The following RAB3GAP2 variants were observed in gnomAD, a reference collection of about 807,000 sequenced individuals.
RAB3GAP2 encodes rab3 GTPase-activating protein non-catalytic subunit.
A neutral mutation model predicts 185.3 loss-of-function variants in RAB3GAP2; 87 were observed. The observed-to-expected ratio is 0.47, with a 90% confidence interval of 0.39 to 0.56. The LOEUF is 0.56. Ranked by LOEUF, RAB3GAP2 falls within the 20% of genes least tolerant of loss-of-function variation. The pLI, the probability that RAB3GAP2 is intolerant of heterozygous loss-of-function variation, is 0.00. For missense variants in RAB3GAP2, 1,492 were observed against 1,638.2 expected (o/e 0.91, Z 1.54); for synonymous variants, 554 against 576.1 (o/e 0.96, Z 0.55).
chr1:220,179,694 A>G (rs1279186191), intron 21 of RAB3GAP2, among the ~76,000 whole-genome samples: 1 of 152,258 alleles, frequency 6.6e-6, no homozygotes, highest in Non-Finnish European at 1.5e-5. Flanking sequence ...GAATAAAAGT[A>G]GAGATCAGTA....
chr1:220,249,871 T>A (rs1659898667), intron 1 of RAB3GAP2, among the ~76,000 whole-genome samples: 1 of 152,112 alleles, frequency 6.6e-6, no homozygotes, highest in Non-Finnish European at 1.5e-5. Flanking sequence ...TGCATAGAAA[T>A]CAAGAACTGA....
intron 1 of RAB3GAP2, among the ~76,000 whole-genome samples, chr1:220,253,199 TG>T (rs1659970877): frequency 6.6e-6 from 1 of 152,192 alleles, no homozygotes; most frequent in Non-Finnish European, 1.5e-5. Context: ...TCCTCCTCAC[TG>T]GGTGGGACCT....
chr1:220,182,900 T>C lies in RAB3GAP2; in HGVS notation c.2030A>G (p.Lys677Arg), dbSNP rs200632298. 2.9e-5 allele frequency: 47 copies of C among 1,613,282 alleles called. No homozygotes were observed. The highest frequency in any genetic ancestry group is 8.3e-5 in the Admixed American group (5 of 59,996). Residue 677 changes from lysine to arginine, a missense_variant, in exon 20 of 35, where the codon AAA (lysine) becomes AGA (arginine). Transcript: ENST00000358951. ...DLALLLRLDEKELLKLQALLE... is the reference protein window; with the variant it reads ...DLALLLRLDERELLKLQALLE... ...TAATGCCTGGAGCTTAAGCAGTTCT[T>C]TTTCATCAAGCCTTAGTAACAGAGC...
chr1:220,233,359 C>T (rs770968547), intron 1 of RAB3GAP2, among the ~76,000 whole-genome samples: 1 of 152,192 alleles, frequency 6.6e-6, no homozygotes, highest in Non-Finnish European at 1.5e-5. Flanking sequence ...TACTATTCTG[C>T]ACCCTTTTCT....
intron 2 of RAB3GAP2, among the ~76,000 whole-genome samples, chr1:220,215,401 T>C (rs2102883090): frequency 6.6e-6 from 1 of 152,312 alleles, no homozygotes; most frequent in South Asian, 2.1e-4. Context: ...TCTGTCAATT[T>C]AATAGGTAAA....
chr1:220,240,759 T>C (rs1335854931), intron 1 of RAB3GAP2, among the ~76,000 whole-genome samples: 1 of 152,252 alleles, frequency 6.6e-6, no homozygotes, highest in Admixed American at 6.5e-5. Flanking sequence ...TTTTCAATCT[T>C]TAACTTTTTT....
intron 1 of RAB3GAP2, among the ~76,000 whole-genome samples, chr1:220,241,792 A>G (rs1248799502): frequency 1.3e-5 from 2 of 152,070 alleles, no homozygotes; most frequent in Admixed American, 1.3e-4. Flanking sequence ...CCAAAGGGTT[A>G]TATTACAAAC....
intron 1 of RAB3GAP2, among the ~76,000 whole-genome samples, chr1:220,243,982 G>A (rs1659751446): frequency 6.6e-6 from 1 of 152,122 alleles, no homozygotes; most frequent in Non-Finnish European, 1.5e-5. Flanking sequence ...GGGAAAAGTT[G>A]AAAGGATTTC....
intron 12 of RAB3GAP2, among the ~76,000 whole-genome samples, chr1:220,194,044 A>G (rs1008805719): frequency 2.4e-4 from 36 of 152,088 alleles, no homozygotes; most frequent in African/African-American, 8.2e-4. Context: ...GTTACAATGT[A>G]TTTTTTAAAA....
At chr1:220,269,043 T>C (rs1056843035) in intron 1 of RAB3GAP2, among the ~76,000 whole-genome samples, 2 of 152,148 alleles carry the variant, frequency 1.3e-5, no homozygotes, top group African/African-American at 4.8e-5. Flanking sequence ...AGAAATATAA[T>C]GATGAAAATA....
Position 220,184,116 on chromosome 1 carries a change from G to C in RAB3GAP2, c.1918C>G (p.Leu640Val). The C allele has an allele frequency of 1.2e-6, 2 of 1,610,382 alleles. No individual in the cohort carries two copies. Among genetic ancestry groups the C allele is most frequent in the Non-Finnish European group, 1.7e-6 (2 of 1,176,956 alleles). The change falls in exon 19 of 35, where the codon CTA becomes GTA. Residue 640 changes from leucine to valine, a missense_variant. Transcript: ENST00000358951. ...GACTCATAGAGTTGCAGCAGTTTTA[G>C]TTTATTGGCACAAAACTGTAGCAAT... ...EGLLQFCANK[L>V]KLLQLYESVS...
intron 7 of RAB3GAP2, 110 bp from the exon 8 acceptor site, chr1:220,206,116 C>A: frequency 1.4e-6 from 1 of 689,816 alleles, no homozygotes; most frequent in Non-Finnish European, 2.5e-6. Context: ...ACACCCAAAG[C>A]AATATCAGGC....
At chr1:220,230,464 CCT>C (rs753487490) in intron 2 of RAB3GAP2, among the ~76,000 whole-genome samples, 1 of 152,142 alleles carries the variant, frequency 6.6e-6, no homozygotes, top group African/African-American at 2.4e-5. Flanking sequence ...AACCAAATTC[CCT>C]GAGCTGCATT....
intron 1 of RAB3GAP2, among the ~76,000 whole-genome samples, chr1:220,255,796 T>C (rs1246505931): frequency 6.6e-6 from 1 of 152,004 alleles, no homozygotes; most frequent in African/African-American, 2.4e-5. Flanking sequence ...AGAGACCAAA[T>C]CTATGACTGA....
chr1:220,256,640 T>C (rs924958864), intron 1 of RAB3GAP2, among the ~76,000 whole-genome samples: 1 of 152,136 alleles, frequency 6.6e-6, no homozygotes, highest in African/African-American at 2.4e-5. Context: ...CCAACAAAGA[T>C]TTAAAAAGAC....
chr1:220,267,508 C>T (rs1021831282), intron 1 of RAB3GAP2: 15 of 1,408,374 alleles, frequency 1.1e-5, no homozygotes, highest in African/African-American at 4.3e-5. Context: ...ACCCGGAGGG[C>T]GACCAATTTC....
intron 1 of RAB3GAP2, chr1:220,254,150 T>C: frequency 6.2e-7 from 1 of 1,613,818 alleles, no homozygotes. Flanking sequence ...GATTCCATTC[T>C]TGAGGATTAT....
intron 10 of RAB3GAP2, 99 bp downstream of exon 10, chr1:220,196,151 G>T: frequency 7.5e-7 from 1 of 1,330,428 alleles, no homozygotes; most frequent in Non-Finnish European, 1.1e-6. Context: ...AATGTAAACT[G>T]CTTAATCTTC....
chr1:220,151,352 C>T lies in RAB3GAP2; in HGVS notation c.4081G>A (p.Val1361Ile), dbSNP rs974093768. The part of the protein sequence containing the change: ...EVPIATTAKL[V>I]NKVIELLPEK... ...GGTAAAAGCTCAATTACTTTATTTACTAGTTTAGCTGTTGTTGCAATTGGC... is the reference window on the plus strand; with the variant it reads ...GGTAAAAGCTCAATTACTTTATTTATTAGTTTAGCTGTTGTTGCAATTGGC... Residue 1361 changes from valine to isoleucine, a missense_variant, in exon 35 of 35, where the codon GTA (valine) becomes ATA (isoleucine). Val to Ile is a conservative substitution (Grantham distance 29). This residue lies in a region of RAB3GAP2 where 387 missense variants were observed against 455.3 expected (regional missense o/e 0.85). Coordinates refer to ENST00000358951, the MANE Select transcript of RAB3GAP2 (RefSeq NM_012414.4). 2 of 1,613,964 alleles carry T rather than the reference C, an allele frequency of 1.2e-6. No homozygotes were observed. Among genetic ancestry groups the T allele is most frequent in the Non-Finnish European group, 1.7e-6 (2 of 1,180,004 alleles).
Sources: allele counts gnomAD v4.1 joint callset (sites outside exome capture counted in the v4.1 genomes callset), GRCh38; gene constraint gnomAD v4.1.1; regional missense constraint gnomAD v4.1.1; transcripts MANE v1.5; gene names NCBI Gene and HGNC (gene_info 2026-07-23, HGNC 2026-07-21).